Variants in DPP6 observed in about 807,000 individuals in gnomAD.
The protein encoded by DPP6 is A-type potassium channel modulatory protein DPP6.
Under a neutral mutation model 122.6 loss-of-function variants are expected in DPP6, and 69 were observed. The observed-to-expected ratio is 0.56, with a 90% confidence interval of 0.46 to 0.69. The LOEUF is 0.69. Among genes scored for constraint, DPP6 ranks in the 30% least tolerant of loss-of-function variants. The probability of loss-of-function intolerance (pLI) is 0.00; values close to 1 mark genes in which losing one functional copy is unlikely to be tolerated. For synonymous variants in DPP6, 418 were observed against 433.1 expected (o/e 0.97, Z 0.43); for missense variants, 928 against 1,116.9 (o/e 0.83, Z 2.41).
intron 1 of DPP6, among the ~76,000 whole-genome samples, chr7:154,334,674 T>C (rs976089623): frequency 4.6e-5 from 7 of 152,164 alleles, no homozygotes; most frequent in African/African-American, 1.4e-4. Context: ...CGGTGGCAGA[T>C]CACTTGAGGT....
rs962554954 is a variant in DPP6, at chr7:154,377,865, G to A, written c.244-68349G>A. 2.0e-4 allele frequency among the ~76,000 whole-genome samples: 31 copies of A among 152,162 alleles called. 1 individual carries two copies. The highest frequency in any genetic ancestry group is 1.8e-3 in the Admixed American group (28 of 15,276). ...TTCTAAAACATACATTTGTATTATAGCATGCTAGACCAGGCTGTGTGAGCC... is the reference window on the plus strand; with the variant it reads ...TTCTAAAACATACATTTGTATTATAACATGCTAGACCAGGCTGTGTGAGCC... On this transcript the variant is annotated intron_variant, in intron 1 of 25. Coordinates refer to ENST00000377770, the MANE Select transcript of DPP6 (RefSeq NM_130797.4).
At chr7:154,627,219 T>G in intron 5 of DPP6, among the ~76,000 whole-genome samples, 1 of 123,884 alleles carries the variant, frequency 8.1e-6, no homozygotes. Flanking sequence ...TGAGATGGAG[T>G]CTCGCTCGCT....
At chr7:153,940,293 G>A (rs1389939858) in intron 1 of DPP6, among the ~76,000 whole-genome samples, 1 of 152,162 alleles carries the variant, frequency 6.6e-6, no homozygotes. Flanking sequence ...CAGACATGGA[G>A]TTCCCATATA....
chr7:154,462,894 G>T (rs1355554178), intron 2 of DPP6, among the ~76,000 whole-genome samples: 1 of 146,582 alleles, frequency 6.8e-6, no homozygotes, highest in African/African-American at 2.5e-5. Context: ...AGTGTTTTCA[G>T]ATTGTTCACT....
At chr7:154,264,010 G>A (rs1168606006) in intron 1 of DPP6, among the ~76,000 whole-genome samples, 1 of 152,100 alleles carries the variant, frequency 6.6e-6, no homozygotes, top group African/African-American at 2.4e-5. Context: ...TCTTTTCTTG[G>A]AGGTCTGTGG....
the DPP6 span, among the ~76,000 whole-genome samples, chr7:153,851,628 T>C: frequency 1.3e-5 from 2 of 152,206 alleles, no homozygotes. Context: ...ATATTACTTA[T>C]ATCTTGGTGT....
chr7:154,481,391 G>A lies in DPP6; in HGVS notation c.457+6354G>A, dbSNP rs567784932. Among the ~76,000 whole-genome samples, 6 of 151,108 alleles carry A rather than the reference G, an allele frequency of 4.0e-5. No individual in the cohort carries two copies. Among genetic ancestry groups the A allele is most frequent in the African/African-American group, 1.2e-4 (5 of 41,250 alleles). On this transcript the variant is annotated intron_variant, in intron 3 of 25. Coordinates refer to ENST00000377770, the MANE Select transcript of DPP6 (RefSeq NM_130797.4). The surrounding 1 kb of genome is among the most constrained non-coding windows in gnomAD (Gnocchi z 4.2). ...TGTGTGTGTCTGTGTGTGTGTGCATGTCAGTCACTGGCTAATTTCCATGTC... is the reference window on the plus strand; with the variant it reads ...TGTGTGTGTCTGTGTGTGTGTGCATATCAGTCACTGGCTAATTTCCATGTC...
chr7:153,932,429 T>G (rs1213728495), intron 1 of DPP6, among the ~76,000 whole-genome samples: 1 of 152,140 alleles, frequency 6.6e-6, no homozygotes, highest in African/African-American at 2.4e-5. Flanking sequence ...AGCCTATCAT[T>G]TTGTTTATAT....
At chr7:153,886,802 G>C (rs1301037599), upstream of DPP6, among the ~76,000 whole-genome samples, 2 of 152,132 alleles carry the variant, frequency 1.3e-5, no homozygotes. Context: ...CCGCTCCCTC[G>C]CCAGACTTGC....
intron 2 of DPP6, among the ~76,000 whole-genome samples, chr7:154,463,508 A>G (rs778657621): frequency 2.0e-5 from 3 of 151,860 alleles, no homozygotes; most frequent in Non-Finnish European, 4.4e-5. Flanking sequence ...CGCCCAGCCT[A>G]CTTCTCCTTT....
chr7:154,767,396 A>G (rs1795977157), intron 8 of DPP6, among the ~76,000 whole-genome samples: 1 of 152,088 alleles, frequency 6.6e-6, no homozygotes, highest in Admixed American at 6.5e-5. Context: ...GCTGGAGTCA[A>G]TTACTCACCA....
chr7:154,841,758 C>T (rs1354541242), intron 16 of DPP6, among the ~76,000 whole-genome samples: 5 of 151,934 alleles, frequency 3.3e-5, no homozygotes, highest in Admixed American at 1.3e-4. Context: ...TCCATTTCCA[C>T]GGCCCCCCTC....
At chr7:154,060,323 C>G (rs1257745068) in intron 1 of DPP6, among the ~76,000 whole-genome samples, 2 of 135,530 alleles carry the variant, frequency 1.5e-5, no homozygotes, top group Admixed American at 7.2e-5. Flanking sequence ...GGACCCCCAT[C>G]GCAGGAGGGG....
At chr7:154,214,707 A>C (rs1427081783) in intron 1 of DPP6, among the ~76,000 whole-genome samples, 1 of 152,154 alleles carries the variant, frequency 6.6e-6, no homozygotes, top group Non-Finnish European at 1.5e-5. Flanking sequence ...GCTTGAGCCT[A>C]AGAGTTCGAG....
At chr7:154,058,638 A>C (rs965257173) in intron 1 of DPP6, 1 of 149,466 alleles carries the variant, frequency 6.7e-6, no homozygotes, top group African/African-American at 2.5e-5. Context: ...CACATCGTTG[A>C]TCCTAAGATC....
At chr7:154,112,691 CAG>C (rs894290951) in intron 1 of DPP6, among the ~76,000 whole-genome samples, 1 of 151,656 alleles carries the variant, frequency 6.6e-6, no homozygotes, top group Non-Finnish European at 1.5e-5. Context: ...CTAAATAAAA[CAG>C]GGAAAAAAAC....
intron 3 of DPP6, among the ~76,000 whole-genome samples, chr7:154,506,604 G>A (rs1056811664): frequency 7.9e-5 from 12 of 152,080 alleles, no homozygotes; most frequent in African/African-American, 2.9e-4. Context: ...GATACTCAGT[G>A]TTTCATTAAG....
intron 10 of DPP6, among the ~76,000 whole-genome samples, chr7:154,792,907 A>G (rs562657500): frequency 2.0e-5 from 3 of 152,104 alleles, no homozygotes; most frequent in Non-Finnish European, 2.9e-5. Context: ...TTAGGCCCTC[A>G]CCTGCTTGCC....
the DPP6 span, among the ~76,000 whole-genome samples, chr7:153,829,262 G>A: frequency 6.6e-6 from 1 of 152,204 alleles, no homozygotes; most frequent in South Asian, 2.1e-4. Flanking sequence ...CCCTTAGGCT[G>A]GAGTGCAGTG....
Sources: allele counts gnomAD v4.1 joint callset (sites outside exome capture counted in the v4.1 genomes callset), GRCh38; gene constraint gnomAD v4.1.1; non-coding constraint Gnocchi (gnomAD v3.1); transcripts MANE v1.5; gene names NCBI Gene and HGNC (gene_info 2026-07-23, HGNC 2026-07-21).